MYO16: variants seen among roughly 807,000 people sequenced by gnomAD.
MYO16 encodes the protein myosin XVI, also known as unconventional myosin-XVI.
MYO16 carries 94 observed loss-of-function variants against 205.3 expected under a neutral mutation model. The observed-to-expected ratio is 0.46, with a 90% confidence interval of 0.39 to 0.54. The LOEUF (loss-of-function observed/expected upper bound fraction) is 0.54, where lower values mean the gene tolerates loss of function less well. MYO16 is among the 20% of genes least tolerant of loss of function. The pLI, the probability that MYO16 is intolerant of heterozygous loss-of-function variation, is 0.00. For missense variants in MYO16, 2,315 were observed against 2,387.5 expected, an observed-to-expected ratio of 0.97 and a Z score of 0.63; for synonymous variants, 988 against 954.0, an observed-to-expected ratio of 1.04 and a Z score of -0.66.
chr13:108,542,285 G>C, the MYO16 span, among the ~76,000 whole-genome samples: 1 of 151,896 alleles, frequency 6.6e-6, no homozygotes, highest in Non-Finnish European at 1.5e-5. Context: ...GGGACAGAAA[G>C]GGGAACAGAA....
Position 109,207,186 on chromosome 13 carries a change from A to G in MYO16, c.*350A>G. On this transcript the variant is annotated 3_prime_UTR_variant, in exon 35 of 35. Transcript: ENST00000457511. The stretch of plus-strand genomic sequence containing the variant: ...GGAGCAATCCATGCACACTCTGTAC[A>G]GTTGTTTTTCTACGGTTCAACAGTC... 4.3e-6 allele frequency: 1 copy of G among 234,916 alleles called. No individual in the cohort carries two copies. Among genetic ancestry groups the G allele is most frequent in the Non-Finnish European group, 8.4e-6 (1 of 118,982 alleles). 14.6% of individuals were successfully genotyped at this position (234,916 alleles called of 1,614,324 possible).
intron 1 of MYO16, among the ~76,000 whole-genome samples, chr13:108,639,604 AC>A (rs1880411246): frequency 2.0e-5 from 3 of 152,196 alleles, no homozygotes; most frequent in Admixed American, 2.0e-4. Flanking sequence ...TTTTCTAAGG[AC>A]TTTTTCTGAA....
At chr13:109,084,231 G>A (rs1888368212) in intron 27 of MYO16, among the ~76,000 whole-genome samples, 1 of 152,288 alleles carries the variant, frequency 6.6e-6, no homozygotes, top group East Asian at 1.9e-4. Flanking sequence ...ATCATGTAGG[G>A]TGCAGTAGCC....
rs1886690696 is a variant in MYO16 at position 108,793,608 on chromosome 13, G to A, written c.709G>A (p.Val237Ile). ...VKHFLSSGGN[V>I]NEKNDEGVTL... ...ACACTTCTTATCATCTGGAGGAAAT[G>A]TCAATGAGAAAAACGATGAAGGAGT... is the stretch of plus-strand genomic sequence containing the variant. The change falls in exon 6 of 35, where the codon GTC (valine) becomes ATC (isoleucine). Residue 237 changes from valine to isoleucine, a missense_variant. Transcript: ENST00000457511. 1.2e-6 allele frequency: 2 copies of A among 1,613,828 alleles called. No individual in the cohort carries two copies. The highest frequency in any genetic ancestry group is 4.5e-5 in the East Asian group (2 of 44,864).
intron 27 of MYO16, among the ~76,000 whole-genome samples, chr13:109,090,927 T>G (rs948126935): frequency 3.9e-5 from 6 of 152,174 alleles, no homozygotes; most frequent in African/African-American, 1.4e-4. Context: ...TCAAGCCCAC[T>G]TGTGCTCCTT....
intron 28 of MYO16, among the ~76,000 whole-genome samples, chr13:109,117,420 GTATATGTGTATATATA>G (rs1875757412): frequency 2.2e-5 from 3 of 134,498 alleles, no homozygotes; most frequent in East Asian, 5.7e-4. Flanking sequence ...GTGTATATAT[GTATATGTGTATATATA>G]TGTATATATA....
In MYO16 at chr13:109,120,456, C is replaced by A; in HGVS notation, c.3525C>A (p.Thr1175=). 1 of 1,608,856 alleles carries A rather than the reference C, an allele frequency of 6.2e-7. No homozygotes were observed. Among genetic ancestry groups the A allele is most frequent in the South Asian group, 1.1e-5 (1 of 89,768 alleles). ...TACAGTTGCAGAGAAAAATTATAAC[C>A]TGCCAAAAAGGTAACATTTATATGC... ...LCLQLQRKII[T]CQKVIRGFLA... is the part of the protein sequence containing the mutation. Residue 1175 remains threonine (T), a synonymous_variant, in exon 29 of 35, where the codon ACC becomes ACA. Transcript: ENST00000457511.
chr13:109,194,544 A>G (rs1880064288), intron 34 of MYO16, among the ~76,000 whole-genome samples: 1 of 152,178 alleles, frequency 6.6e-6, no homozygotes, highest in African/African-American at 2.4e-5. Context: ...GGCTTTAGAA[A>G]CCTTGAGGGG....
the MYO16 span, among the ~76,000 whole-genome samples, chr13:108,578,814 G>A: frequency 6.6e-6 from 1 of 151,802 alleles, no homozygotes; most frequent in Non-Finnish European, 1.5e-5. Context: ...CATAACTATG[G>A]ACTGCATGTG....
At chr13:108,881,749 A>G (rs1350160595) in intron 12 of MYO16, among the ~76,000 whole-genome samples, 1 of 152,114 alleles carries the variant, frequency 6.6e-6, no homozygotes, top group African/African-American at 2.4e-5. Flanking sequence ...TTAGAGAAAA[A>G]AGAGTAAAAA....
the MYO16 span, among the ~76,000 whole-genome samples, chr13:108,547,634 G>A: frequency 2.6e-5 from 4 of 152,276 alleles, no homozygotes; most frequent in South Asian, 8.3e-4. Context: ...ATGTACTATG[G>A]CAGTTATAAA....
intron 23 of MYO16, among the ~76,000 whole-genome samples, chr13:109,045,035 T>C (rs1384293882): frequency 1.3e-5 from 2 of 152,200 alleles, no homozygotes; most frequent in East Asian, 3.9e-4. Flanking sequence ...AGTGTGGTAA[T>C]GCATTTTTAC....
At chr13:108,610,274 T>C (rs1353866816) in intron 1 of MYO16, among the ~76,000 whole-genome samples, 1 of 151,636 alleles carries the variant, frequency 6.6e-6, no homozygotes, top group African/African-American at 2.4e-5. Context: ...CAGAATGTAC[T>C]GTGTGTGCTC....
intron 5 of MYO16, among the ~76,000 whole-genome samples, chr13:108,793,299 AAAAAAAC>A (rs1015316365): frequency 1.6e-5 from 1 of 62,664 alleles, no homozygotes; most frequent in African/African-American, 3.9e-5. Flanking sequence ...AAAAAAAAAA[AAAAAAAC>A]ATAACAAGAG....
At chr13:108,620,423 G>A (rs536204291) in intron 1 of MYO16, among the ~76,000 whole-genome samples, 23 of 152,266 alleles carry the variant, frequency 1.5e-4, no homozygotes, top group African/African-American at 5.1e-4. Flanking sequence ...AGAGGAAGCA[G>A]GGATGAACCG....
intron 16 of MYO16, among the ~76,000 whole-genome samples, chr13:108,912,789 T>C (rs577475248): frequency 2.2e-4 from 34 of 152,136 alleles, no homozygotes; most frequent in African/African-American, 6.3e-4. Flanking sequence ...GCTCAAAGCC[T>C]CAAGCAGATA....
chr13:108,676,603 G>A (rs137991533), intron 2 of MYO16, among the ~76,000 whole-genome samples: 7 of 152,246 alleles, frequency 4.6e-5, no homozygotes, highest in Middle Eastern at 3.4e-3. Flanking sequence ...AAGGACTTGC[G>A]TCCATTGAAA....
intron 7 of MYO16, among the ~76,000 whole-genome samples, chr13:108,816,203 G>C (rs1466832068): frequency 6.6e-6 from 1 of 152,068 alleles, no homozygotes; most frequent in Non-Finnish European, 1.5e-5. Context: ...ATAATATTAT[G>C]ATGAACTTTG....
intron 4 of MYO16, among the ~76,000 whole-genome samples, chr13:108,747,015 T>TA (rs1291863465): frequency 6.6e-6 from 1 of 152,278 alleles, no homozygotes; most frequent in East Asian, 1.9e-4. Flanking sequence ...CTTAAAATGC[T>TA]AAAAAGAAAC....
Sources: gnomAD v4.1 joint callset for allele counts (sites outside exome capture counted in the v4.1 genomes callset) on GRCh38, gnomAD v4.1.1 for gene constraint, MANE v1.5 for transcripts, NCBI Gene and HGNC (gene_info 2026-07-23, HGNC 2026-07-21) for gene names.